Variants in COX7A2 observed in about 807,000 individuals in gnomAD.
COX7A2 encodes the protein cytochrome c oxidase subunit 7A2.
COX7A2 carries 11 observed loss-of-function variants against 11.6 expected under a neutral mutation model. That is an observed-to-expected ratio of 0.95 (90% CI 0.60 to 1.57). The LOEUF is 1.57. Ranked by LOEUF, COX7A2 falls within the 40% of genes most tolerant of loss-of-function variation. The pLI, the probability that COX7A2 is intolerant of heterozygous loss-of-function variation, is 0.00. For synonymous variants in COX7A2, 30 were observed against 38.2 expected, an observed-to-expected ratio of 0.78 and a Z score of 0.79; for missense variants, 106 against 100.9, an observed-to-expected ratio of 1.05 and a Z score of -0.22.
At chr6:75,242,993 G>A (rs1339447473) in intron 1 of COX7A2, among the ~76,000 whole-genome samples, 2 of 152,084 alleles carry the variant, frequency 1.3e-5, no homozygotes, top group African/African-American at 4.8e-5. Flanking sequence ...TTTTAAAGAA[G>A]AGACATGCAC....
chr6:75,241,182 C>G lies in COX7A2; in HGVS notation c.102G>C (p.Leu34=). The G allele has an allele frequency of 6.3e-7, 1 of 1,597,868 alleles. No homozygotes were observed. Among genetic ancestry groups the G allele is most frequent in the South Asian group, 1.1e-5 (1 of 89,326 alleles). The change falls in exon 2 of 4, where the codon CTG becomes CTC. Residue 34 remains leucine, a synonymous_variant. Transcript: ENST00000684430. ...CTATAAAATACTTCAGTACCTGGAACAGTTTTTGCTTCTCCGGAACTTTAT... is the reference window on the plus strand; with the variant it reads ...CTATAAAATACTTCAGTACCTGGAAGAGTTTTTGCTTCTCCGGAACTTTAT... ...FKNKVPEKQK[L]FQEDDEIPLY...
intron 3 of COX7A2, among the ~76,000 whole-genome samples, chr6:75,239,046 C>T (rs1209571749): frequency 1.3e-5 from 2 of 152,258 alleles, no homozygotes; most frequent in East Asian, 3.9e-4. Flanking sequence ...AACTCCTGAC[C>T]TCAGGTGATC....
intron 2 of COX7A2, 142 bp from the exon 3 acceptor site, chr6:75,240,527 C>T: frequency 5.2e-6 from 3 of 573,408 alleles, no homozygotes; most frequent in Non-Finnish European, 2.9e-6. Flanking sequence ...ATTTAAAAGA[C>T]CTACAATTTT....
chr6:75,238,902 G>A (rs959268530), intron 3 of COX7A2, among the ~76,000 whole-genome samples: 23 of 151,336 alleles, frequency 1.5e-4, no homozygotes, highest in African/African-American at 5.1e-4. Flanking sequence ...TGCAACCTCC[G>A]CCTACCAGTT....
chr6:75,240,547 G>T (rs987124014), intron 2 of COX7A2, 162 bp from the exon 3 acceptor site: 2 of 533,268 alleles, frequency 3.8e-6, no homozygotes, highest in Non-Finnish European at 6.5e-6. Flanking sequence ...TCTTTATTCC[G>T]TCTCTACTAC....
chr6:75,238,922 T>C (rs1201417006), intron 3 of COX7A2, among the ~76,000 whole-genome samples: 1 of 151,776 alleles, frequency 6.6e-6, no homozygotes, highest in East Asian at 2.0e-4. Context: ...TCAAGCAATC[T>C]TCCTGCCTCA....
rs558424081 is a variant in COX7A2 at position 75,238,825 on chromosome 6, CTTT to C, written c.194-840_194-838del. ...AATTTAGGGCTTTATCTTTTTTTTT[CTTT>C]TTTTTGAGATGGAGTCTCCCTCTGT... On this transcript the variant is annotated intron_variant, in intron 3 of 3. Transcript: ENST00000684430. Among the ~76,000 whole-genome samples, 864 of 134,916 alleles carry C rather than the reference CTTT, an allele frequency of 6.4e-3. 7 individuals carry two copies. The highest frequency in any genetic ancestry group is 0.022 in the African/African-American group (821 of 36,832). The allele number at this position is 134,916 out of a possible 152,430, so 88.5% of individuals were successfully genotyped here.
At chr6:75,243,586 G>C in intron 1 of COX7A2, 131 bp downstream of exon 1, 2 of 780,706 alleles carry the variant, frequency 2.6e-6, no homozygotes, top group Non-Finnish European at 4.3e-6. Context: ...CAGGGAAAAA[G>C]GACACGAATC....
At chr6:75,243,160 C>G (rs1399368651) in intron 1 of COX7A2, among the ~76,000 whole-genome samples, 2 of 152,180 alleles carry the variant, frequency 1.3e-5, no homozygotes, top group East Asian at 3.9e-4. Flanking sequence ...AAATATTTCA[C>G]ATGCTCAAAG....
upstream of COX7A2, chr6:75,243,922 C>G: frequency 8.9e-7 from 1 of 1,121,562 alleles, no homozygotes; most frequent in Non-Finnish European, 1.3e-6. Flanking sequence ...ACGGCTCTAT[C>G]CGCTCTAGCC....
In COX7A2 at chr6:75,237,813, C is replaced by A. The variant is rs371056263; in HGVS notation, c.*117G>T. ...ATGGTAAAGACTGCTTTATTGGTGGCAGTTACTACAAGTCAATAAATATTG... is the reference window on the plus strand; with the variant it reads ...ATGGTAAAGACTGCTTTATTGGTGGAAGTTACTACAAGTCAATAAATATTG... On this transcript the variant is annotated 3_prime_UTR_variant, in exon 4 of 4. Coordinates refer to ENST00000684430, the MANE Select transcript of COX7A2 (RefSeq NM_001366293.2). 1 of 609,476 alleles carries A rather than the reference C, an allele frequency of 1.6e-6. No individual in the cohort carries two copies. Among genetic ancestry groups the A allele is most frequent in the Admixed American group, 2.7e-5 (1 of 36,486 alleles). The allele number at this position is 609,476 out of a possible 1,614,324, so 37.8% of individuals were successfully genotyped here. A position where few individuals can be genotyped will look rare whatever the true frequency, so the allele number is the denominator to read the frequency against.
intron 1 of COX7A2, among the ~76,000 whole-genome samples, chr6:75,249,741 A>G (rs891918569): frequency 1.4e-4 from 21 of 152,256 alleles, no homozygotes; most frequent in African/African-American, 5.1e-4. Flanking sequence ...TGGAAGGCTG[A>G]TTTCAGTGAT....
chr6:75,246,751 T>C (rs986469305), upstream of COX7A2, among the ~76,000 whole-genome samples: 19 of 152,214 alleles, frequency 1.2e-4, no homozygotes, highest in Non-Finnish European at 2.1e-4. Context: ...ATGTTTTCAG[T>C]CCCAGGGTTC....
chr6:75,248,110 A>T, upstream of COX7A2, among the ~76,000 whole-genome samples: 1 of 448 alleles, frequency 2.2e-3, no homozygotes, highest in Admixed American at 0.1. Flanking sequence ...TTTTTTTGAG[A>T]CGGAGTCTCG....
rs1050995023 is a variant in COX7A2, at chr6:75,240,226, A to T, written c.193+75T>A. ...ACTGCCTGCATTAAAATACTGGCATAGCAAAAGCAATAAAGTTATCAGTTA... is the reference window on the plus strand; with the variant it reads ...ACTGCCTGCATTAAAATACTGGCATTGCAAAAGCAATAAAGTTATCAGTTA... On this transcript the variant is annotated intron_variant, in intron 3 of 3. Transcript: ENST00000684430. 16 of 1,120,540 alleles carry T rather than the reference A, an allele frequency of 1.4e-5. No individual in the cohort carries two copies. The Admixed American group carries it at 3.2e-4, about 22-fold the overall frequency. 69.4% of individuals were successfully genotyped at this position (1,120,540 alleles called of 1,614,324 possible). A position where few individuals can be genotyped will look rare whatever the true frequency, so the allele number is the denominator to read the frequency against.
chr6:75,244,001 C>A (rs1481880701), upstream of COX7A2: 4 of 574,336 alleles, frequency 7.0e-6, no homozygotes, highest in Non-Finnish European at 1.2e-5. Context: ...GTCCCTGGAG[C>A]TAAGGCTGGG....
chr6:75,243,352 C>T (rs1771578547), intron 1 of COX7A2, among the ~76,000 whole-genome samples: 1 of 152,122 alleles, frequency 6.6e-6, no homozygotes, highest in Non-Finnish European at 1.5e-5. Context: ...AAACACCTTT[C>T]TGCTTGATGC....
chr6:75,239,013 C>T (rs1771408131), intron 3 of COX7A2, among the ~76,000 whole-genome samples: 1 of 152,066 alleles, frequency 6.6e-6, no homozygotes, highest in South Asian at 2.1e-4. Context: ...CAGGGTTTCA[C>T]CATGTGTGCC....
chr6:75,240,129 C>T, intron 3 of COX7A2, 172 bp downstream of exon 3: 1 of 609,334 alleles, frequency 1.6e-6, no homozygotes. Flanking sequence ...TCACAATGCT[C>T]TTATACAGTA....
Sources: gnomAD v4.1 joint callset for allele counts (sites outside exome capture counted in the v4.1 genomes callset) on GRCh38, gnomAD v4.1.1 for gene constraint, MANE v1.5 for transcripts, NCBI Gene and HGNC (gene_info 2026-07-23, HGNC 2026-07-21) for gene names.